CSMD1: variants seen among roughly 807,000 people sequenced by gnomAD.
CSMD1 encodes the protein CUB and Sushi multiple domains 1, also known as CUB and sushi domain-containing protein 1.
A neutral mutation model predicts 417.5 loss-of-function variants in CSMD1; 213 were observed. The observed-to-expected ratio is 0.51, with a 90% CI of 0.46 to 0.57. The LOEUF is 0.57. CSMD1 is among the 20% of genes least tolerant of loss of function. The pLI is 0.00. For synonymous variants in CSMD1, 2,862 were observed against 1,736.8 expected (o/e 1.65, Z -16.11); for missense variants, 6,923 against 4,529.7 (o/e 1.53, Z -15.17).
chr8:4,022,775 T>G (rs778826104), intron 4 of CSMD1, among the ~76,000 whole-genome samples: 1 of 152,146 alleles, frequency 6.6e-6, no homozygotes, highest in Non-Finnish European at 1.5e-5. Context: ...GAGAAAACAA[T>G]TGTATTCCAC....
chr8:4,407,476 G>A (rs1056906968), intron 3 of CSMD1, among the ~76,000 whole-genome samples: 1 of 152,088 alleles, frequency 6.6e-6, no homozygotes, highest in Non-Finnish European at 1.5e-5. Flanking sequence ...ACGTAATTTT[G>A]TATATAATAA....
At chr8:4,096,357 T>G (rs987363702) in intron 3 of CSMD1, among the ~76,000 whole-genome samples, 15 of 152,120 alleles carry the variant, frequency 9.9e-5, no homozygotes, top group Non-Finnish European at 2.2e-4. Context: ...GATTTCCATA[T>G]GGGGCTCCCA....
In CSMD1 at chr8:4,187,238, C is replaced by G. The variant is rs144734494; in HGVS notation, c.416-155139G>C. Among the ~76,000 whole-genome samples the G allele has an allele frequency of 1.6e-3, 243 of 152,262 alleles. 2 individuals are homozygous for G. Among genetic ancestry groups the G allele is most frequent in the African/African-American group, 5.8e-3 (240 of 41,558 alleles). ...GAGAAAAAATAATATGGAACTTTAA[C>G]ATGTGCTTATGGCAGAGACTTAAAA... On this transcript the variant is annotated intron_variant, in intron 3 of 69. Transcript: ENST00000635120.
chr8:4,931,726 G>C (rs1425447765), intron 1 of CSMD1, among the ~76,000 whole-genome samples: 2 of 152,210 alleles, frequency 1.3e-5, no homozygotes, highest in Admixed American at 6.5e-5. Context: ...GCTGTTCCCA[G>C]TACCATCTCC....
chr8:4,333,387 CAG>C (rs1451369051), intron 3 of CSMD1, among the ~76,000 whole-genome samples: 4 of 152,122 alleles, frequency 2.6e-5, no homozygotes, highest in Admixed American at 1.3e-4. Context: ...GGACGGCTGA[CAG>C]GGGTTGAATT....
rs1018907312 is a variant in CSMD1 at position 3,408,164 on chromosome 8, C to T, written c.1806G>A (p.Glu602=). Residue 602 remains glutamate, a synonymous_variant, in exon 14 of 70, where the codon GAG becomes GAA. Transcript: ENST00000635120. ...SGIILSPNYP[E]EYGNNMNCVW... is the part of the protein sequence containing the mutation. ...CACAGTTCATGTTGTTCCCATATTC[C>T]TCTGGATAATTTGGTGACAGAATAA... The T allele has an allele frequency of 3.7e-6, 6 of 1,612,724 alleles. No homozygotes were observed. The highest frequency in any genetic ancestry group is 5.1e-6 in the Non-Finnish European group (6 of 1,179,402).
At chr8:4,791,074 G>C (rs1045711939) in intron 1 of CSMD1, among the ~76,000 whole-genome samples, 6 of 152,016 alleles carry the variant, frequency 3.9e-5, no homozygotes, top group Non-Finnish European at 7.4e-5. Context: ...GAGACGGTGA[G>C]AGAGACGGTG....
At chr8:3,609,739 A>T (rs1393282080) in intron 8 of CSMD1, among the ~76,000 whole-genome samples, 1 of 11,836 alleles carries the variant, frequency 8.4e-5, no homozygotes, top group African/African-American at 2.3e-4. Flanking sequence ...ATAAGAATTT[A>T]AAAAAAAAAA....
chr8:4,878,999 G>A (rs1003988798), intron 1 of CSMD1, among the ~76,000 whole-genome samples: 2 of 152,006 alleles, frequency 1.3e-5, no homozygotes, highest in Admixed American at 6.6e-5. Context: ...AACAGGATGG[G>A]TGAGGGCAAG....
chr8:3,009,573 A>C lies in CSMD1; in HGVS notation c.8029+8904T>G, dbSNP rs945687264. ...CAGGAAAAACTATTATTAGCAGTAC[A>C]CTTCAACGGACATATTGAAGTCTCT... On this transcript the variant is annotated intron_variant, in intron 52 of 69. Transcript: ENST00000635120. 2.0e-4 allele frequency among the ~76,000 whole-genome samples: 30 copies of C among 152,188 alleles called. 1 individual carries two copies. Among genetic ancestry groups the C allele is most frequent in the Admixed American group, 2.0e-3 (30 of 15,270 alleles).
intron 1 of CSMD1, among the ~76,000 whole-genome samples, chr8:4,759,108 C>A (rs554311052): frequency 2.0e-5 from 3 of 152,294 alleles, no homozygotes; most frequent in East Asian, 1.9e-4. Flanking sequence ...GAGGGAAATG[C>A]ATTTGGGCTG....
At chr8:4,107,157 A>C (rs757971353) in intron 3 of CSMD1, among the ~76,000 whole-genome samples, 1 of 152,194 alleles carries the variant, frequency 6.6e-6, no homozygotes, top group African/African-American at 2.4e-5. Flanking sequence ...ACACAATTCC[A>C]GTCAACTTCA....
At chr8:3,708,523 T>A (rs1293318399) in intron 6 of CSMD1, 32 bp from the exon 7 acceptor site, 1 of 1,588,762 alleles carries the variant, frequency 6.3e-7, no homozygotes, top group East Asian at 2.2e-5. Flanking sequence ...CATTAGCAGG[T>A]AAGACTTGGA....
chr8:3,271,342 G>T (rs563681728), intron 26 of CSMD1, among the ~76,000 whole-genome samples: 2 of 151,816 alleles, frequency 1.3e-5, no homozygotes, highest in Admixed American at 1.3e-4. Flanking sequence ...TGGACATTTG[G>T]GTTGGTTCCA....
At chr8:4,221,434 T>C (rs868307695) in intron 3 of CSMD1, among the ~76,000 whole-genome samples, 1 of 150,142 alleles carries the variant, frequency 6.7e-6, no homozygotes, top group East Asian at 1.9e-4. Context: ...GCTACTGGGT[T>C]AACAGACAAC....
intron 23 of CSMD1, among the ~76,000 whole-genome samples, chr8:3,339,454 T>C (rs1296385721): frequency 1.3e-5 from 2 of 152,150 alleles, no homozygotes; most frequent in Non-Finnish European, 2.9e-5. Flanking sequence ...GGTGATTTGG[T>C]AGGCTCAGAA....
At chr8:4,503,816 G>A (rs1337181849) in intron 2 of CSMD1, among the ~76,000 whole-genome samples, 2 of 152,056 alleles carry the variant, frequency 1.3e-5, no homozygotes, top group Non-Finnish European at 2.9e-5. Context: ...CATCACCTAT[G>A]TGCGGCTTTT....
intron 1 of CSMD1, among the ~76,000 whole-genome samples, chr8:4,910,029 C>A (rs1031211512): frequency 3.3e-5 from 5 of 152,148 alleles, no homozygotes; most frequent in Non-Finnish European, 7.4e-5. Flanking sequence ...ATATGAATAA[C>A]CAATAGCATG....
intron 1 of CSMD1, among the ~76,000 whole-genome samples, chr8:4,733,369 G>C (rs948817998): frequency 6.6e-5 from 10 of 152,160 alleles, no homozygotes; most frequent in Admixed American, 2.0e-4. Context: ...TTTTACCCTA[G>C]CAGGTTATAG....
Sources: gnomAD v4.1 joint callset for allele counts (sites outside exome capture counted in the v4.1 genomes callset) on GRCh38, gnomAD v4.1.1 for gene constraint, MANE v1.5 for transcripts, NCBI Gene and HGNC (gene_info 2026-07-23, HGNC 2026-07-21) for gene names.